TXNDC5: variants seen among roughly 807,000 people sequenced by gnomAD.
The protein encoded by TXNDC5 is thioredoxin domain containing 5, also known as thioredoxin domain-containing protein 5.
A neutral mutation model predicts 52.6 loss-of-function variants in TXNDC5; 44 were observed. That is an observed-to-expected ratio of 0.84 (90% CI 0.66 to 1.08). TXNDC5 has a LOEUF of 1.08. Among genes scored for constraint, TXNDC5 ranks in the 50% least tolerant of loss-of-function variants. The pLI is 0.00. For missense variants in TXNDC5, 600 were observed against 565.5 expected, an observed-to-expected ratio of 1.06 and a Z score of -0.62; for synonymous variants, 241 against 234.4, an observed-to-expected ratio of 1.03 and a Z score of -0.26.
chr6:7,885,554 T>C (rs922561778), intron 8 of TXNDC5, among the ~76,000 whole-genome samples: 5 of 152,226 alleles, frequency 3.3e-5, no homozygotes, highest in Admixed American at 6.5e-5. Context: ...ATCCGAGTAC[T>C]TAAAAGAACC....
At chr6:7,891,807 T>G in intron 4 of TXNDC5, 71 bp from the exon 5 acceptor site, 1 of 1,090,342 alleles carries the variant, frequency 9.2e-7, no homozygotes, top group Non-Finnish European at 1.4e-6. Context: ...CACTAGAGAG[T>G]TAATTGAAGA....
At chr6:7,908,518 TA>T (rs10708121) in intron 1 of TXNDC5, among the ~76,000 whole-genome samples, 49,170 of 144,458 alleles carry the variant, frequency 0.34, 8,540 homozygotes, top group East Asian at 0.65. Context: ...AGTTTTTCTT[TA>T]AAAAAAAAAA....
In TXNDC5 at chr6:7,884,493, G is replaced by C. The variant is rs2113314716; in HGVS notation, c.1047-5C>G. 1 of 1,614,030 alleles carries C rather than the reference G, an allele frequency of 6.2e-7. No homozygotes were observed. The highest frequency in any genetic ancestry group is 8.5e-7 in the Non-Finnish European group (1 of 1,179,926). On this transcript the variant is annotated splice_polypyrimidine_tract_variant and splice_region_variant and intron_variant, in intron 8 of 9. Coordinates refer to ENST00000379757, the MANE Select transcript of TXNDC5 (RefSeq NM_030810.5). ...AGAGTCTTACAATGACCACACCTAA[G>C]ACGAGAAAAATGGCAGCTTCGTTGA...
rs2113381600 is a variant in TXNDC5 at position 7,910,765 on chromosome 6, G to C, written c.12C>G (p.Arg4=). MPA[R]PGRLLPLLAR... is the part of the protein sequence containing the mutation. The stretch of plus-strand genomic sequence containing the variant: ...CCAGCAGCGGGAGGAGGCGTCCTGG[G>C]CGCGCGGGCATCGCGGCGGGGCTGG... The change falls in exon 1 of 10, where the codon CGC becomes CGG. Residue 4 remains arginine, a synonymous_variant. Transcript: ENST00000379757. The C allele has an allele frequency of 2.0e-6, 2 of 995,748 alleles. No homozygotes were observed. Among genetic ancestry groups the C allele is most frequent in the East Asian group, 1.1e-4 (1 of 9,152 alleles). 61.7% of individuals were successfully genotyped at this position (995,748 alleles called of 1,614,324 possible). A position where few individuals can be genotyped will look rare whatever the true frequency, so the allele number is the denominator to read the frequency against.
rs1760885886 is a variant in TXNDC5, at chr6:7,910,568, A to T, written c.209T>A (p.Met70Lys). 2 of 1,434,780 alleles carry T rather than the reference A, an allele frequency of 1.4e-6. No homozygotes were observed. The highest frequency in any genetic ancestry group is 3.5e-5 in the East Asian group (1 of 28,980). 88.9% of individuals were successfully genotyped at this position (1,434,780 alleles called of 1,614,324 possible). The change falls in exon 1 of 10, where the codon ATG (methionine) becomes AAG (lysine). Residue 70 changes from methionine to lysine, a missense_variant. Coordinates refer to ENST00000379757, the MANE Select transcript of TXNDC5 (RefSeq NM_030810.5). ...PHSKHLYTAD[M>K]FTHGIQSAAH... ...GGCGCTCTGGATCCCGTGCGTGAAC[A>T]TGTCGGCCGTGTACAGGTGCTTGCT...
In TXNDC5 at chr6:7,901,367, C is replaced by T. The variant is rs566854487; in HGVS notation, c.414-1686G>A. Among the ~76,000 whole-genome samples the T allele has an allele frequency of 3.3e-5, 5 of 152,328 alleles. No individual in the cohort carries two copies. In the South Asian group the frequency reaches 1.0e-3, roughly 32 times the overall value. On this transcript the variant is annotated intron_variant, in intron 2 of 9. Coordinates refer to ENST00000379757, the MANE Select transcript of TXNDC5 (RefSeq NM_030810.5). The stretch of plus-strand genomic sequence containing the variant: ...TCTTCAGGAAGGGAAATGGGTGGAT[C>T]CTCAAGACATCAGAAAGGACCAGGG...
chr6:7,907,046 G>A (rs1003415551), intron 1 of TXNDC5, among the ~76,000 whole-genome samples: 2 of 152,192 alleles, frequency 1.3e-5, no homozygotes, highest in African/African-American at 4.8e-5. Context: ...ACCTTCCTAA[G>A]GGACTGTCAA....
intron 9 of TXNDC5, 51 bp downstream of exon 9, chr6:7,884,308 G>A (rs572847174): frequency 6.2e-7 from 1 of 1,607,860 alleles, no homozygotes; most frequent in South Asian, 1.1e-5. Flanking sequence ...AGTTCCCTTG[G>A]GATCTGCCCC....
intron 1 of TXNDC5, among the ~76,000 whole-genome samples, chr6:7,907,634 G>GT (rs1157910002): frequency 6.6e-6 from 1 of 152,218 alleles, no homozygotes; most frequent in African/African-American, 2.4e-5. Context: ...CTGGAAAAAG[G>GT]TATGTGTGTG....
chr6:7,910,681 CCCG>C lies in TXNDC5; in HGVS notation c.93_95del (p.Gly32del). 9.0e-7 allele frequency: 1 copy of C among 1,116,696 alleles called. No individual in the cohort carries two copies. The allele number at this position is 1,116,696 out of a possible 1,614,324, so 69.2% of individuals were successfully genotyped here. A position where few individuals can be genotyped will look rare whatever the true frequency, so the allele number is the denominator to read the frequency against. ...CCTCCTGGGCCCGGGCGCCCCAGCGCCCGCCGCCGCCATGGCCCAGCAGCAGCA... is the reference window on the plus strand; with the variant it reads ...CCTCCTGGGCCCGGGCGCCCCAGCGCCCGCCGCCATGGCCCAGCAGCAGCA... On this transcript the variant is annotated inframe_deletion, in exon 1 of 10. Transcript: ENST00000379757.
intron 4 of TXNDC5, 147 bp from the exon 5 acceptor site, chr6:7,891,883 C>T (rs1760202960): frequency 1.8e-6 from 1 of 567,174 alleles, no homozygotes; most frequent in African/African-American, 1.9e-5. Flanking sequence ...TACAAAGGGA[C>T]TCCATCAAAT....
intron 7 of TXNDC5, among the ~76,000 whole-genome samples, chr6:7,887,998 T>C (rs1456661322): frequency 6.6e-6 from 1 of 152,144 alleles, no homozygotes; most frequent in Non-Finnish European, 1.5e-5. Flanking sequence ...TGCACACATT[T>C]CTGCCCCAGC....
intron 4 of TXNDC5, among the ~76,000 whole-genome samples, chr6:7,893,887 C>T (rs1476521409): frequency 1.2e-4 from 19 of 152,112 alleles, no homozygotes; most frequent in Admixed American, 1.0e-3. Context: ...TAATGGGAGC[C>T]GGCCAGGAAG....
At chr6:7,900,126 A>C (rs1760513347) in intron 2 of TXNDC5, 1 of 152,682 alleles carries the variant, frequency 6.5e-6, no homozygotes, top group South Asian at 2.1e-4. Flanking sequence ...TTCAACTCTT[A>C]CAAGGCCTGA....
chr6:7,905,006 G>C (rs1760688040), intron 1 of TXNDC5, among the ~76,000 whole-genome samples: 4 of 152,158 alleles, frequency 2.6e-5, no homozygotes, highest in Admixed American at 2.0e-4. Flanking sequence ...CCTCCCGCTT[G>C]ACTTCTATCC....
intron 2 of TXNDC5, among the ~76,000 whole-genome samples, chr6:7,904,001 C>T (rs918870795): frequency 6.6e-6 from 1 of 152,204 alleles, no homozygotes; most frequent in Non-Finnish European, 1.5e-5. Flanking sequence ...ACCCCAGGCC[C>T]CTGGAGCTGG....
intron 7 of TXNDC5, among the ~76,000 whole-genome samples, chr6:7,886,673 T>C (rs1021733364): frequency 2.0e-5 from 3 of 152,242 alleles, no homozygotes; most frequent in African/African-American, 7.2e-5. Context: ...AGGTGCTACA[T>C]GGTAGTCTGC....
At chr6:7,886,502 AG>A (rs1398025056) in intron 7 of TXNDC5, among the ~76,000 whole-genome samples, 1 of 152,206 alleles carries the variant, frequency 6.6e-6, no homozygotes, top group Non-Finnish European at 1.5e-5. Context: ...CTATTCTCCT[AG>A]CACCCTTTGT....
chr6:7,904,832 A>G, intron 1 of TXNDC5, 109 bp from the exon 2 acceptor site: 2 of 1,321,470 alleles, frequency 1.5e-6, no homozygotes, highest in East Asian at 4.7e-5. Flanking sequence ...CTTTCTTTAC[A>G]CCATTGCAGA....
Sources: gnomAD v4.1 joint callset for allele counts (sites outside exome capture counted in the v4.1 genomes callset) on GRCh38, gnomAD v4.1.1 for gene constraint, MANE v1.5 for transcripts, NCBI Gene and HGNC (gene_info 2026-07-23, HGNC 2026-07-21) for gene names.